Variants in PRELID2 observed in about 807,000 individuals in gnomAD.
The protein encoded by PRELID2 is PRELI domain-containing protein 2.
A neutral mutation model predicts 28.4 loss-of-function variants in PRELID2; 25 were observed. The observed-to-expected ratio is 0.88, with a 90% CI of 0.64 to 1.23. The LOEUF is 1.23. PRELID2 is among the 50% of genes most tolerant of loss of function. The pLI, the probability that PRELID2 is intolerant of heterozygous loss-of-function variation, is 0.00. For synonymous variants in PRELID2, 76 were observed against 71.6 expected (o/e 1.06, Z -0.31); for missense variants, 201 against 214.4 (o/e 0.94, Z 0.39).
At chr5:145,500,322 C>T (rs1376756537) in intron 1 of PRELID2, among the ~76,000 whole-genome samples, 1 of 152,032 alleles carries the variant, frequency 6.6e-6, no homozygotes, top group African/African-American at 2.4e-5. Flanking sequence ...CTTCTCTGGC[C>T]ATGTAAGACG....
At chr5:145,735,889 C>T (rs987806) in intron 1 of PRELID2, among the ~76,000 whole-genome samples, 10 of 152,070 alleles carry the variant, frequency 6.6e-5, no homozygotes, top group African/African-American at 1.9e-4. Context: ...GCATGACCGA[C>T]CACATTGTGA....
At chr5:145,432,135 A>G in the PRELID2 span, among the ~76,000 whole-genome samples, 1 of 152,260 alleles carries the variant, frequency 6.6e-6, no homozygotes, top group South Asian at 2.1e-4. Context: ...TAGTAAAATG[A>G]TTGCTTCTGA....
At chr5:145,461,550 C>G in the PRELID2 span, among the ~76,000 whole-genome samples, 3 of 152,196 alleles carry the variant, frequency 2.0e-5, no homozygotes, top group Non-Finnish European at 4.4e-5. Flanking sequence ...GATCTGCCCA[C>G]CTAGTCCTCC....
At chr5:145,553,879 C>T (rs1178068075) in intron 1 of PRELID2, among the ~76,000 whole-genome samples, 1 of 152,162 alleles carries the variant, frequency 6.6e-6, no homozygotes, top group Non-Finnish European at 1.5e-5. Flanking sequence ...ATAAAGGATG[C>T]AGCCTGAATC....
chr5:145,559,106 T>C (rs1280045132), intron 1 of PRELID2, among the ~76,000 whole-genome samples: 1 of 151,912 alleles, frequency 6.6e-6, no homozygotes, highest in African/African-American at 2.4e-5. Context: ...TACAAAAAAA[T>C]TAGCCGGGCG....
At chr5:145,652,373 A>G (rs1372919528) in intron 1 of PRELID2, among the ~76,000 whole-genome samples, 1 of 152,240 alleles carries the variant, frequency 6.6e-6, no homozygotes, top group African/African-American at 2.4e-5. Context: ...AGGCAGGCCA[A>G]CATTCAAATT....
chr5:145,796,605 G>A (rs570670105), intron 4 of PRELID2, 58 bp from the exon 5 acceptor site: 35 of 1,041,124 alleles, frequency 3.4e-5, no homozygotes, highest in African/African-American at 1.5e-4. Context: ...ATATGTAAAC[G>A]ACAGACATTT....
chr5:145,691,847 T>C (rs144935779), intron 1 of PRELID2, among the ~76,000 whole-genome samples: 2,794 of 152,264 alleles, frequency 0.018, 44 homozygotes, highest in Non-Finnish European at 0.029. Flanking sequence ...GCTACTTCTC[T>C]AGCACCTCAG....
chr5:145,538,220 C>T (rs1015007814), intron 1 of PRELID2, among the ~76,000 whole-genome samples: 1 of 151,784 alleles, frequency 6.6e-6, no homozygotes, highest in African/African-American at 2.4e-5. Flanking sequence ...CTTTTTTATG[C>T]CAGTACCATA....
At chr5:145,428,182 C>T in the PRELID2 span, among the ~76,000 whole-genome samples, 1 of 152,132 alleles carries the variant, frequency 6.6e-6, no homozygotes, top group Admixed American at 6.5e-5. Flanking sequence ...TGGTCTCAAA[C>T]TCTTGACCTC....
chr5:145,594,346 T>C (rs1158302178), intron 1 of PRELID2, among the ~76,000 whole-genome samples: 1 of 152,226 alleles, frequency 6.6e-6, no homozygotes, highest in Non-Finnish European at 1.5e-5. Context: ...GTGTTTTTTT[T>C]GTTTTGAGTC....
intron 1 of PRELID2, among the ~76,000 whole-genome samples, chr5:145,482,463 T>C (rs1752170958): frequency 6.6e-6 from 1 of 152,130 alleles, no homozygotes; most frequent in Non-Finnish European, 1.5e-5. Flanking sequence ...CATGATATAA[T>C]AATAACAAAC....
chr5:145,690,607 C>A (rs779226791), intron 1 of PRELID2, among the ~76,000 whole-genome samples: 29 of 152,168 alleles, frequency 1.9e-4, no homozygotes, highest in Admixed American at 8.5e-4. Context: ...GGTCCTGGTG[C>A]CGTCATTTGA....
chr5:145,714,606 T>C (rs1022299045), intron 1 of PRELID2, among the ~76,000 whole-genome samples: 5 of 152,198 alleles, frequency 3.3e-5, no homozygotes, highest in Non-Finnish European at 5.9e-5. Context: ...TAATTTCATA[T>C]ATTTTACCTC....
At chr5:145,336,608 G>A in the PRELID2 span, among the ~76,000 whole-genome samples, 1 of 152,032 alleles carries the variant, frequency 6.6e-6, no homozygotes, top group South Asian at 2.1e-4. Flanking sequence ...ATTTCTGAGG[G>A]CTCTGTTCTG....
At chr5:145,456,680 A>G in the PRELID2 span, among the ~76,000 whole-genome samples, 1 of 152,242 alleles carries the variant, frequency 6.6e-6, no homozygotes, top group Non-Finnish European at 1.5e-5. Context: ...GATAATGCTA[A>G]TAGACGCACA....
At chr5:145,264,178 A>G in the PRELID2 span, among the ~76,000 whole-genome samples, 1 of 152,306 alleles carries the variant, frequency 6.6e-6, no homozygotes, top group Middle Eastern at 3.4e-3. Context: ...TACCAAAACC[A>G]GTAAAGGACA....
the PRELID2 span, among the ~76,000 whole-genome samples, chr5:145,305,174 G>A: frequency 6.6e-6 from 1 of 152,216 alleles, no homozygotes; most frequent in Admixed American, 6.5e-5. Context: ...GAGAGGGTAG[G>A]AGCAAATTTT....
chr5:145,249,960 TCTC>T, the PRELID2 span, among the ~76,000 whole-genome samples: 2 of 151,858 alleles, frequency 1.3e-5, no homozygotes, highest in African/African-American at 2.4e-5. Context: ...TCTCTCTCTC[TCTC>T]TCCTTTTGAT....
Sources: gnomAD v4.1 joint callset for allele counts (sites outside exome capture counted in the v4.1 genomes callset) on GRCh38, gnomAD v4.1.1 for gene constraint, MANE v1.5 for transcripts, NCBI Gene and HGNC (gene_info 2026-07-23, HGNC 2026-07-21) for gene names.